SGSM1: variants seen among roughly 807,000 people sequenced by gnomAD.
SGSM1 encodes the protein RUN and TBC1 domain containing 2.
Under a neutral mutation model 133.8 loss-of-function variants are expected in SGSM1, and 73 were observed. The ratio of observed to expected loss-of-function variants is 0.55; its 90% CI spans 0.45 to 0.66. SGSM1 has a LOEUF of 0.66. SGSM1 is among the 30% of genes least tolerant of loss of function. The pLI, the probability that SGSM1 is intolerant of heterozygous loss-of-function variation, is 0.00. For missense variants in SGSM1, 1,213 were observed against 1,448.1 expected (o/e 0.84, Z 2.64); for synonymous variants, 563 against 573.0 (o/e 0.98, Z 0.25).
chr22:24,852,643 A>G (rs1378259988), intron 5 of SGSM1, among the ~76,000 whole-genome samples: 1 of 152,092 alleles, frequency 6.6e-6, no homozygotes, highest in Non-Finnish European at 1.5e-5. Context: ...GGGTTTCACC[A>G]TATTGGGCAG....
chr22:24,830,406 T>C (rs1332698628), intron 2 of SGSM1, among the ~76,000 whole-genome samples: 4 of 152,158 alleles, frequency 2.6e-5, no homozygotes, highest in African/African-American at 7.2e-5. Context: ...TTAACCTCTC[T>C]GAGTTTTGAG....
Position 24,860,126 on chromosome 22 carries a change from A to G in SGSM1, c.926+286A>G, listed in dbSNP as rs992921978. Reference sequence around the variant, plus strand: ...GGAGACATCTTTATAGAGATCTCCTAAGCCTGCAAATGGCAAATATTCTTC... The same window carrying G: ...GGAGACATCTTTATAGAGATCTCCTGAGCCTGCAAATGGCAAATATTCTTC... On this transcript the variant is annotated intron_variant, in intron 9 of 24. Coordinates refer to ENST00000400358, the MANE Select transcript of SGSM1 (RefSeq NM_001098497.3). Among the ~76,000 whole-genome samples, 7 of 152,332 alleles carry G rather than the reference A, an allele frequency of 4.6e-5. No homozygotes were observed. In the East Asian group the frequency reaches 1.3e-3, roughly 29 times the overall value.
At chr22:24,909,666 T>C (rs1933545269) in intron 21 of SGSM1, among the ~76,000 whole-genome samples, 1 of 151,974 alleles carries the variant, frequency 6.6e-6, no homozygotes, top group Non-Finnish European at 1.5e-5. Flanking sequence ...ATGCTGGCCA[T>C]GCTGGTCTCG....
chr22:24,889,411 C>CT (rs535610385), intron 16 of SGSM1, among the ~76,000 whole-genome samples: 22,998 of 136,828 alleles, frequency 0.17, 2,093 homozygotes, highest in South Asian at 0.36. Flanking sequence ...AAATGTATTT[C>CT]TTTTTTTTTT....
chr22:24,862,868 C>T (rs148093985), intron 9 of SGSM1, among the ~76,000 whole-genome samples: 5 of 152,064 alleles, frequency 3.3e-5, no homozygotes, highest in South Asian at 2.1e-4. Flanking sequence ...GGGAGTAGGA[C>T]GAGATATGGT....
chr22:24,837,550 T>G (rs1357450259), intron 2 of SGSM1, among the ~76,000 whole-genome samples: 1 of 149,004 alleles, frequency 6.7e-6, no homozygotes, highest in African/African-American at 2.5e-5. Context: ...GAGCAGAGTC[T>G]TCTCTAAACT....
intron 8 of SGSM1, among the ~76,000 whole-genome samples, chr22:24,858,272 G>A (rs955879360): frequency 6.6e-6 from 1 of 152,140 alleles, no homozygotes; most frequent in African/African-American, 2.4e-5. Context: ...GAGCCACTGC[G>A]CCCAGCCTGT....
At chr22:24,833,522 G>T (rs1259894076) in intron 2 of SGSM1, among the ~76,000 whole-genome samples, 1 of 152,074 alleles carries the variant, frequency 6.6e-6, no homozygotes, top group Non-Finnish European at 1.5e-5. Flanking sequence ...GCTGGGCGTG[G>T]TGGCCAGTGC....
intron 16 of SGSM1, among the ~76,000 whole-genome samples, chr22:24,889,056 G>T (rs370670644): frequency 1.4e-5 from 2 of 144,816 alleles, no homozygotes; most frequent in African/African-American, 5.1e-5. Context: ...CCACCTCCCA[G>T]GTTCAAGTGA....
intron 2 of SGSM1, among the ~76,000 whole-genome samples, chr22:24,809,193 G>C (rs550162988): frequency 6.6e-6 from 1 of 152,138 alleles, no homozygotes; most frequent in South Asian, 2.1e-4. Context: ...TCTTTGGGGA[G>C]CATCTCTCTC....
At chr22:24,902,030 G>A (rs1013366186) in intron 20 of SGSM1, 73 bp downstream of exon 20, 15 of 1,437,410 alleles carry the variant, frequency 1.0e-5, no homozygotes, top group South Asian at 6.6e-5. Context: ...TAGGGGGCCC[G>A]CCTAGAAGTT....
chr22:24,887,982 A>G (rs1932712434), intron 16 of SGSM1, among the ~76,000 whole-genome samples: 1 of 152,128 alleles, frequency 6.6e-6, no homozygotes, highest in Non-Finnish European at 1.5e-5. Flanking sequence ...TTTATTTGCC[A>G]TTGTGTATCT....
chr22:24,808,098 C>CT (rs916733299), intron 2 of SGSM1, among the ~76,000 whole-genome samples: 55 of 144,796 alleles, frequency 3.8e-4, no homozygotes, highest in African/African-American at 6.1e-4. Flanking sequence ...AACCTCTTAT[C>CT]TTTTTTTTTT....
rs116556705 is a variant in SGSM1 at position 24,871,348 on chromosome 22, G to A, written c.1291+2493G>A. On this transcript the variant is annotated intron_variant, in intron 12 of 24. Coordinates refer to ENST00000400358, the MANE Select transcript of SGSM1 (RefSeq NM_001098497.3). The stretch of plus-strand genomic sequence containing the variant: ...CTCACTTCCTTCTCTGTAGAATGGG[G>A]TAACAGCAGTCCCCACCAGCAGCAT... Among the ~76,000 whole-genome samples, 1,360 of 152,236 alleles carry A rather than the reference G, an allele frequency of 8.9e-3. 22 individuals carry two copies. Among genetic ancestry groups the A allele is most frequent in the African/African-American group, 0.031 (1,280 of 41,532 alleles).
At position 24,884,190 on chromosome 22, in the gene SGSM1, G is replaced by A. The variant is rs114841905; in HGVS notation, c.1633G>A (p.Asp545Asn). ...CAGGATCTGGGAGCAGTACCTTCAC[G>A]ACAGCACAGTAAGGCTTAGCTGGGC... ...TARIWEQYLH[D>N]STSYEEQELL... Residue 545 changes from aspartate (D) to asparagine (N), a missense_variant, in exon 15 of 25, where the codon GAC becomes AAC. Transcript: ENST00000400358. The A allele has an allele frequency of 7.4e-6, 12 of 1,613,656 alleles. No individual in the cohort carries two copies. Among genetic ancestry groups the A allele is most frequent in the African/African-American group, 5.3e-5 (4 of 75,052 alleles).
chr22:24,872,126 G>C (rs190540372), intron 12 of SGSM1, among the ~76,000 whole-genome samples: 5 of 152,316 alleles, frequency 3.3e-5, no homozygotes, highest in African/African-American at 7.2e-5. Context: ...AGTATTTACT[G>C]TCAGGCTTTT....
intron 21 of SGSM1, among the ~76,000 whole-genome samples, chr22:24,907,567 A>G (rs1000889740): frequency 2.6e-5 from 4 of 151,892 alleles, no homozygotes; most frequent in Admixed American, 6.6e-5. Context: ...TGCAAAAATT[A>G]ACAAGCTGAC....
At chr22:24,878,086 C>T (rs1932121279) in intron 13 of SGSM1, among the ~76,000 whole-genome samples, 1 of 152,094 alleles carries the variant, frequency 6.6e-6, no homozygotes, top group African/African-American at 2.4e-5. Flanking sequence ...GCTGGGATTA[C>T]AGGCATGAGC....
intron 8 of SGSM1, among the ~76,000 whole-genome samples, chr22:24,857,046 G>A (rs1004595808): frequency 6.6e-6 from 1 of 151,836 alleles, no homozygotes; most frequent in South Asian, 2.1e-4. Context: ...GGGATTACAG[G>A]CGTGAGCCAC....
Sources: gnomAD v4.1 joint callset for allele counts (sites outside exome capture counted in the v4.1 genomes callset) on GRCh38, gnomAD v4.1.1 for gene constraint, MANE v1.5 for transcripts, NCBI Gene and HGNC (gene_info 2026-07-23, HGNC 2026-07-21) for gene names.